The following ALCAM variants were observed in gnomAD, a reference collection of about 807,000 sequenced individuals.
ALCAM encodes the protein activated leukocyte cell adhesion molecule.
In ALCAM, 30 loss-of-function variants were observed where a neutral mutation model predicts 70.9. The ratio of observed to expected loss-of-function variants is 0.42; its 90% CI spans 0.32 to 0.57. The LOEUF (loss-of-function observed/expected upper bound fraction) is 0.57. Among genes scored for constraint, ALCAM ranks in the 20% least tolerant of loss-of-function variants. The probability of loss-of-function intolerance (pLI) is 0.11; values close to 1 mark genes in which losing one functional copy is unlikely to be tolerated. For synonymous variants in ALCAM, 249 were observed against 242.5 expected, an observed-to-expected ratio of 1.03 and a Z score of -0.25; for missense variants, 591 against 695.1, an observed-to-expected ratio of 0.85 and a Z score of 1.68.
chr3:105,573,851 G>A (rs976060811), intron 15 of ALCAM, among the ~76,000 whole-genome samples: 1 of 152,168 alleles, frequency 6.6e-6, no homozygotes, highest in Non-Finnish European at 1.5e-5. Flanking sequence ...GATGGAGCGT[G>A]AGAAAATACT....
intron 5 of ALCAM, among the ~76,000 whole-genome samples, chr3:105,533,934 C>G (rs1489102293): frequency 6.6e-5 from 10 of 152,128 alleles, no homozygotes; most frequent in African/African-American, 2.2e-4. Flanking sequence ...AATAATTATG[C>G]AACTCACCAT....
chr3:105,394,046 T>C (rs2107358594), intron 1 of ALCAM, among the ~76,000 whole-genome samples: 1 of 152,046 alleles, frequency 6.6e-6, no homozygotes, highest in South Asian at 2.1e-4. Context: ...GTCCATTCTT[T>C]CAAGAGGTTC....
rs186716342 is a variant in ALCAM, at chr3:105,572,112, A to C, written c.*25+148A>C. The C allele has an allele frequency of 9.0e-6, 5 of 553,240 alleles. No individual in the cohort carries two copies. The Admixed American group carries it at 9.5e-5, about 11-fold the overall frequency. 34.3% of individuals were successfully genotyped at this position (553,240 alleles called of 1,614,324 possible). On this transcript the variant is annotated intron_variant, in intron 15 of 15. Transcript: ENST00000306107. ...TTTTTTTTCTTTTTATTATGCTTTA[A>C]GTTCTCAGATACATGTGCAGAACGT...
At chr3:105,539,921 A>G in intron 6 of ALCAM, 54 bp from the exon 7 acceptor site, 3 of 1,592,786 alleles carry the variant, frequency 1.9e-6, no homozygotes, top group Non-Finnish European at 8.6e-7. Context: ...TTGTATGCAC[A>G]GAGTAATTCG....
At position 105,524,404 on chromosome 3, in the gene ALCAM, C is replaced by G; in HGVS notation, c.290C>G (p.Thr97Ser). 1 of 1,614,154 alleles carries G rather than the reference C, an allele frequency of 6.2e-7. No individual in the cohort carries two copies. The highest frequency in any genetic ancestry group is 8.5e-7 in the Non-Finnish European group (1 of 1,180,018). The change falls in exon 3 of 16, where the codon ACT becomes AGT. Residue 97 changes from threonine to serine, a missense_variant. Physicochemically the swap from Thr to Ser is moderately conservative, Grantham distance 58. This residue lies in a region of ALCAM where 427 missense variants were observed against 450.4 expected (regional missense o/e 0.95). Coordinates refer to ENST00000306107, the MANE Select transcript of ALCAM (RefSeq NM_001627.4). ...AGATTGAACCTCTCAGAAAACTACACTTTGTCTATCAGTAATGCAAGGATC... is the reference window on the plus strand; with the variant it reads ...AGATTGAACCTCTCAGAAAACTACAGTTTGTCTATCAGTAATGCAAGGATC... Reference protein sequence around the residue: ...KDRLNLSENYTLSISNARISD... With the variant: ...KDRLNLSENYSLSISNARISD...
chr3:105,563,653 A>G (rs1940676925), intron 14 of ALCAM, among the ~76,000 whole-genome samples: 1 of 142,166 alleles, frequency 7.0e-6, no homozygotes, highest in Non-Finnish European at 1.5e-5. Context: ...ACCTGTATGA[A>G]ATTCCAAGCA....
chr3:105,465,767 T>C (rs747877895), intron 1 of ALCAM, among the ~76,000 whole-genome samples: 24 of 151,560 alleles, frequency 1.6e-4, no homozygotes, highest in South Asian at 8.3e-4. Context: ...GTTAATAAAA[T>C]CTTCTTTCAA....
At chr3:105,524,816 T>C (rs1939654747) in intron 3 of ALCAM, 2 of 1,106,426 alleles carry the variant, frequency 1.8e-6, no homozygotes, top group Non-Finnish European at 2.2e-6. Flanking sequence ...TTTACTGACA[T>C]GTACAAATAA....
chr3:105,449,621 C>T (rs1559795260), intron 1 of ALCAM, among the ~76,000 whole-genome samples: 1 of 152,184 alleles, frequency 6.6e-6, no homozygotes, highest in Non-Finnish European at 1.5e-5. Context: ...CACTACCACC[C>T]TATTCATCCT....
chr3:105,380,382 CT>C (rs1312808359), intron 1 of ALCAM, among the ~76,000 whole-genome samples: 3 of 151,796 alleles, frequency 2.0e-5, no homozygotes, highest in African/African-American at 7.2e-5. Flanking sequence ...AAGACATCTC[CT>C]AAGATGTTTC....
At chr3:105,567,702 A>G (rs1356616470) in intron 14 of ALCAM, among the ~76,000 whole-genome samples, 1 of 152,174 alleles carries the variant, frequency 6.6e-6, no homozygotes, top group Non-Finnish European at 1.5e-5. Flanking sequence ...CCTTTAAGCC[A>G]TTAAGTGAGT....
At chr3:105,535,203 T>G (rs1359659541) in intron 6 of ALCAM, among the ~76,000 whole-genome samples, 1 of 152,190 alleles carries the variant, frequency 6.6e-6, no homozygotes. Context: ...ATGAAGAAAT[T>G]TATTTTAATA....
At chr3:105,520,193 G>A in intron 2 of ALCAM, 26 bp downstream of exon 2, 1 of 1,461,922 alleles carries the variant, frequency 6.8e-7, no homozygotes, top group Non-Finnish European at 9.6e-7. Context: ...CTGGGACTTG[G>A]TTAATTGCCC....
chr3:105,410,082 T>A (rs1176132024), intron 1 of ALCAM, among the ~76,000 whole-genome samples: 6 of 152,080 alleles, frequency 3.9e-5, no homozygotes, highest in Admixed American at 3.9e-4. Context: ...ATGACATTTA[T>A]TCCTATCTTT....
chr3:105,494,768 C>A (rs1938690204), intron 1 of ALCAM, among the ~76,000 whole-genome samples: 1 of 151,930 alleles, frequency 6.6e-6, no homozygotes, highest in African/African-American at 2.4e-5. Context: ...CAAGTGATCC[C>A]CCCACCTCAG....
rs895338886 is a variant in ALCAM at position 105,520,096 on chromosome 3, T to C, written c.103T>C (p.Tyr35His). 2 of 1,612,760 alleles carry C rather than the reference T, an allele frequency of 1.2e-6. No individual in the cohort carries two copies. The highest frequency in any genetic ancestry group is 2.2e-5 in the East Asian group (1 of 44,786). The change falls in exon 2 of 16, where the codon TAT becomes CAT. Residue 35 changes from tyrosine (Y) to histidine (H), a missense_variant. Physicochemically the swap from Tyr to His is moderately conservative, Grantham distance 83. Transcript: ENST00000306107. Reference protein sequence around the residue: ...GLGWYTVNSAYGDTIIIPCRL... With the variant: ...GLGWYTVNSAHGDTIIIPCRL... ...TGGATGGTATACTGTAAATTCAGCA[T>C]ATGGAGATACCATTATCATACCTTG... is the stretch of plus-strand genomic sequence containing the variant.
At chr3:105,517,710 CA>C (rs1939419387) in intron 1 of ALCAM, among the ~76,000 whole-genome samples, 1 of 152,020 alleles carries the variant, frequency 6.6e-6, no homozygotes, top group African/African-American at 2.4e-5. Context: ...GCTTGCCACC[CA>C]AAATCAAAAT....
At chr3:105,562,349 T>TA (rs1189069840) in intron 14 of ALCAM, among the ~76,000 whole-genome samples, 4 of 152,238 alleles carry the variant, frequency 2.6e-5, no homozygotes, top group Non-Finnish European at 5.9e-5. Flanking sequence ...CAGTAGTTTT[T>TA]ATCACAAATT....
intron 1 of ALCAM, among the ~76,000 whole-genome samples, chr3:105,429,666 G>T (rs565513370): frequency 9.2e-4 from 140 of 151,928 alleles, no homozygotes; most frequent in African/African-American, 3.3e-3. Context: ...AATAATTTTA[G>T]AAAATGTAAT....
Sources: gnomAD v4.1 joint callset for allele counts (sites outside exome capture counted in the v4.1 genomes callset) on GRCh38, gnomAD v4.1.1 for gene constraint, gnomAD v4.1.1 regional missense constraint, MANE v1.5 for transcripts, NCBI Gene and HGNC (gene_info 2026-07-23, HGNC 2026-07-21) for gene names.